The following SLC44A5 variants were observed in gnomAD, a reference collection of about 807,000 sequenced individuals.
The protein encoded by SLC44A5 is choline transporter-like protein 5.
Under a neutral mutation model 101.8 loss-of-function variants are expected in SLC44A5, and 57 were observed. The ratio of observed to expected loss-of-function variants is 0.56; its 90% CI spans 0.45 to 0.70. The LOEUF is 0.70. Ranked by LOEUF, SLC44A5 falls within the 30% of genes least tolerant of loss-of-function variation. The probability of loss-of-function intolerance (pLI) is 0.00; values close to 1 mark genes in which losing one functional copy is unlikely to be tolerated. For missense variants in SLC44A5, 737 were observed against 853.1 expected (o/e 0.86, Z 1.70); for synonymous variants, 281 against 290.9 (o/e 0.97, Z 0.35).
chr1:75,271,497 T>TTGTGTG (rs4035634), intron 6 of SLC44A5, among the ~76,000 whole-genome samples: 36,209 of 145,880 alleles, frequency 0.25, 4,585 homozygotes, highest in Middle Eastern at 0.35. Flanking sequence ...TCTGCATGTT[T>TTGTGTG]TGTGTGTGTG....
the SLC44A5 span, among the ~76,000 whole-genome samples, chr1:75,713,124 T>A: frequency 6.6e-6 from 1 of 152,248 alleles, no homozygotes; most frequent in African/African-American, 2.4e-5. Flanking sequence ...TCACTAGGCA[T>A]GCCAATGTAT....
chr1:75,697,003 G>A, the SLC44A5 span, among the ~76,000 whole-genome samples: 1 of 152,248 alleles, frequency 6.6e-6, no homozygotes, highest in East Asian at 1.9e-4. Flanking sequence ...TTTTTAGAGT[G>A]ATGTAAATAT....
chr1:75,585,603 T>G (rs1410735008), intron 1 of SLC44A5, among the ~76,000 whole-genome samples: 1 of 152,102 alleles, frequency 6.6e-6, no homozygotes, highest in Non-Finnish European at 1.5e-5. Context: ...ACCACTATGC[T>G]CCCTCTGAGG....
the SLC44A5 span, among the ~76,000 whole-genome samples, chr1:75,722,170 GA>G: frequency 6.6e-6 from 1 of 152,028 alleles, no homozygotes; most frequent in African/African-American, 2.4e-5. Flanking sequence ...AATAAATATG[GA>G]AAAATATTTG....
chr1:75,526,701 C>G (rs1670427205), intron 2 of SLC44A5, among the ~76,000 whole-genome samples: 1 of 152,188 alleles, frequency 6.6e-6, no homozygotes, highest in African/African-American at 2.4e-5. Context: ...TGAATATTGC[C>G]TTTAATATGC....
chr1:75,246,932 G>C (rs1649160929), intron 7 of SLC44A5, among the ~76,000 whole-genome samples: 1 of 152,066 alleles, frequency 6.6e-6, no homozygotes, highest in Non-Finnish European at 1.5e-5. Context: ...TGGTCAGAGA[G>C]TGGGTCAGAC....
intron 2 of SLC44A5, among the ~76,000 whole-genome samples, chr1:75,409,176 T>G (rs1220596122): frequency 6.6e-6 from 1 of 152,126 alleles, no homozygotes; most frequent in African/African-American, 2.4e-5. Flanking sequence ...CACTGGAGAC[T>G]CTAAAAGATG....
intron 4 of SLC44A5, among the ~76,000 whole-genome samples, chr1:75,312,225 C>T (rs1283884622): frequency 6.6e-6 from 1 of 152,106 alleles, no homozygotes; most frequent in Admixed American, 6.5e-5. Flanking sequence ...GTGAAGCCTC[C>T]CCAGCTATGT....
At chr1:75,639,320 A>G in the SLC44A5 span, among the ~76,000 whole-genome samples, 1 of 152,106 alleles carries the variant, frequency 6.6e-6, no homozygotes, top group African/African-American at 2.4e-5. Context: ...ATGTAATTTT[A>G]TCTGTCAATT....
chr1:75,528,741 C>G (rs1433997078), intron 2 of SLC44A5, among the ~76,000 whole-genome samples: 2 of 152,178 alleles, frequency 1.3e-5, no homozygotes, highest in Non-Finnish European at 2.9e-5. Context: ...TATCTGGACC[C>G]TATTTACTTT....
intron 4 of SLC44A5, among the ~76,000 whole-genome samples, chr1:75,303,991 C>T (rs1030728044): frequency 1.3e-5 from 2 of 152,092 alleles, no homozygotes; most frequent in Admixed American, 1.3e-4. Flanking sequence ...GATCTAATTA[C>T]ATAGTGATTG....
the SLC44A5 span, among the ~76,000 whole-genome samples, chr1:75,702,043 G>C: frequency 1.7e-3 from 258 of 152,164 alleles, 1 homozygote; most frequent in South Asian, 0.015. Context: ...CCATGCTCAT[G>C]GGTAGGAAGA....
chr1:75,294,347 T>G (rs1245700861), intron 5 of SLC44A5, among the ~76,000 whole-genome samples: 1 of 152,070 alleles, frequency 6.6e-6, no homozygotes, highest in Non-Finnish European at 1.5e-5. Context: ...TGAGGAGATG[T>G]GGAGAAAAAA....
chr1:75,459,904 A>G (rs1229960852), intron 2 of SLC44A5, among the ~76,000 whole-genome samples: 1 of 152,158 alleles, frequency 6.6e-6, no homozygotes, highest in Non-Finnish European at 1.5e-5. Flanking sequence ...CTCCTGCTGC[A>G]GTTGGAACTA....
intron 2 of SLC44A5, among the ~76,000 whole-genome samples, chr1:75,474,325 C>T (rs987153782): frequency 6.6e-6 from 1 of 152,110 alleles, no homozygotes; most frequent in African/African-American, 2.4e-5. Context: ...TAAATAAAGT[C>T]ATTTAACACT....
At chr1:75,437,678 A>G (rs1374732104) in intron 2 of SLC44A5, among the ~76,000 whole-genome samples, 1 of 152,164 alleles carries the variant, frequency 6.6e-6, no homozygotes, top group Non-Finnish European at 1.5e-5. Context: ...CAGCGATGAT[A>G]AAGCAGGATG....
At chr1:75,569,944 C>T (rs1424836520) in intron 1 of SLC44A5, among the ~76,000 whole-genome samples, 1 of 152,198 alleles carries the variant, frequency 6.6e-6, no homozygotes, top group Non-Finnish European at 1.5e-5. Context: ...AAAGGGCTCA[C>T]TATCAACAGA....
chr1:75,710,924 C>T, the SLC44A5 span, among the ~76,000 whole-genome samples: 1 of 152,142 alleles, frequency 6.6e-6, no homozygotes, highest in African/African-American at 2.4e-5. Flanking sequence ...TTTCCTGTCT[C>T]TCCTGGTAAT....
intron 6 of SLC44A5, among the ~76,000 whole-genome samples, chr1:75,264,945 G>C (rs1650867038): frequency 6.6e-6 from 1 of 152,034 alleles, no homozygotes; most frequent in Non-Finnish European, 1.5e-5. Flanking sequence ...CATTACAACT[G>C]ATACCACAGA....
Sources: gnomAD v4.1 joint callset for allele counts (sites outside exome capture counted in the v4.1 genomes callset) on GRCh38, gnomAD v4.1.1 for gene constraint, MANE v1.5 for transcripts, NCBI Gene and HGNC (gene_info 2026-07-23, HGNC 2026-07-21) for gene names.